Variants in MDM1 observed in about 807,000 individuals in gnomAD.
MDM1 encodes the protein stabilizer of axonemal microtubules 6.
A neutral mutation model predicts 89.1 loss-of-function variants in MDM1; 61 were observed. The observed-to-expected ratio is 0.68, with a 90% CI of 0.56 to 0.85. The LOEUF (loss-of-function observed/expected upper bound fraction) is 0.85. Ranked by LOEUF, MDM1 falls within the 40% of genes least tolerant of loss-of-function variation. The probability of loss-of-function intolerance (pLI) is 0.00; values close to 1 mark genes in which losing one functional copy is unlikely to be tolerated. For synonymous variants in MDM1, 290 were observed against 294.1 expected, an observed-to-expected ratio of 0.99 and a Z score of 0.14; for missense variants, 820 against 846.5, an observed-to-expected ratio of 0.97 and a Z score of 0.39.
chr12:68,320,176 A>C (rs995330386), intron 7 of MDM1, among the ~76,000 whole-genome samples: 2 of 152,088 alleles, frequency 1.3e-5, no homozygotes. Context: ...AGTCAGGGAG[A>C]TCTTTGCCAA....
At chr12:68,298,582 C>T (rs1234947833) in intron 13 of MDM1, among the ~76,000 whole-genome samples, 2 of 152,186 alleles carry the variant, frequency 1.3e-5, no homozygotes, top group Admixed American at 6.5e-5. Context: ...TGCTTCCCCA[C>T]AGGAGGAGCA....
At chr12:68,318,424 T>C (rs528482655) in intron 7 of MDM1, among the ~76,000 whole-genome samples, 1 of 152,338 alleles carries the variant, frequency 6.6e-6, no homozygotes, top group Non-Finnish European at 1.5e-5. Flanking sequence ...GTATACTTCA[T>C]AAAAATTCTG....
Position 68,295,236 on chromosome 12 carries a change from A to T in MDM1, c.*18T>A. On this transcript the variant is annotated 3_prime_UTR_variant, in exon 15 of 15. Transcript: ENST00000682720. ...AATTATGCCAATGTTTCCTTAGATA[A>T]AGGCAACTCAGCTAGGTTTATGTTT... The T allele has an allele frequency of 6.5e-7, 1 of 1,541,328 alleles. No individual in the cohort carries two copies. Among genetic ancestry groups the T allele is most frequent in the Non-Finnish European group, 8.9e-7 (1 of 1,127,224 alleles).
At position 68,326,280 on chromosome 12, in the gene MDM1, T is replaced by C. The variant is rs1875963217; in HGVS notation, c.498+377A>G. Reference sequence around the variant, plus strand: ...TTTCTGTTTGTCTTCTTGTACACGATAAGAAACTGAAAAGGGGCTAGGTAG... The same window carrying C: ...TTTCTGTTTGTCTTCTTGTACACGACAAGAAACTGAAAAGGGGCTAGGTAG... On this transcript the variant is annotated intron_variant, in intron 3 of 14. Transcript: ENST00000682720. 7 of 1,247,902 alleles carry C rather than the reference T, an allele frequency of 5.6e-6. No individual in the cohort carries two copies. In the East Asian group the frequency reaches 1.6e-4, roughly 29 times the overall value. 77.3% of individuals were successfully genotyped at this position (1,247,902 alleles called of 1,614,324 possible).
Position 68,314,940 on chromosome 12 carries a change from A to G in MDM1, c.1529+8T>C. ...GCTTCTCTATACTGAGTAATTTAAA[A>G]CTCTCACCCTTCTTTCATCTTATCT... On this transcript the variant is annotated splice_region_variant and intron_variant, in intron 10 of 14. Transcript: ENST00000682720. 3.0e-5 allele frequency: 45 copies of G among 1,523,896 alleles called. No homozygotes were observed. The highest frequency in any genetic ancestry group is 3.7e-5 in the Non-Finnish European group (41 of 1,098,722). The allele number at this position is 1,523,896 out of a possible 1,614,324, so 94.4% of individuals were successfully genotyped here. A position where few individuals can be genotyped will look rare whatever the true frequency, so the allele number is the denominator to read the frequency against.
chr12:68,319,603 A>G (rs1874955776), intron 7 of MDM1, among the ~76,000 whole-genome samples: 1 of 152,184 alleles, frequency 6.6e-6, no homozygotes, highest in Non-Finnish European at 1.5e-5. Flanking sequence ...GCTCATATTA[A>G]ATGTCTATAA....
chr12:68,323,041 T>A, intron 5 of MDM1, 32 bp downstream of exon 5: 1 of 1,569,250 alleles, frequency 6.4e-7, no homozygotes, highest in Non-Finnish European at 8.6e-7. Flanking sequence ...TAACGGGGAT[T>A]TTGTTTTGTA....
At chr12:68,303,149 T>C (rs1872446888) in intron 12 of MDM1, among the ~76,000 whole-genome samples, 1 of 152,170 alleles carries the variant, frequency 6.6e-6, no homozygotes, top group South Asian at 2.1e-4. Context: ...TGCATAAGTA[T>C]TTCTTTAAAA....
At chr12:68,296,717 T>C (rs1395034764) in intron 14 of MDM1, among the ~76,000 whole-genome samples, 3 of 152,212 alleles carry the variant, frequency 2.0e-5, no homozygotes, top group Non-Finnish European at 2.9e-5. Context: ...ATTGTATGTT[T>C]GCCCTAGAAC....
Position 68,332,328 on chromosome 12 carries a change from C to T in MDM1, c.-83G>A. The T allele has an allele frequency of 6.9e-7, 1 of 1,451,452 alleles. No homozygotes were observed. The highest frequency in any genetic ancestry group is 1.8e-4 in the Middle Eastern group (1 of 5,614). 89.9% of individuals were successfully genotyped at this position (1,451,452 alleles called of 1,614,324 possible). On this transcript the variant is annotated 5_prime_UTR_variant, in exon 1 of 15. Coordinates refer to ENST00000682720, the MANE Select transcript of MDM1 (RefSeq NM_001354969.2). The stretch of plus-strand genomic sequence containing the variant: ...GGGGGCGGGGCGATAACAGTGTTCC[C>T]TAGCAAAGCCTCGGCCCGGCGTCCC...
chr12:68,326,921 G>C lies in MDM1; in HGVS notation c.234C>G (p.Ser78Arg). Residue 78 changes from serine to arginine, a missense_variant, in exon 3 of 15, where the codon AGC (serine) becomes AGG (arginine). Physicochemically the swap from Ser to Arg is moderately radical, Grantham distance 110. Coordinates refer to ENST00000682720, the MANE Select transcript of MDM1 (RefSeq NM_001354969.2). Reference sequence around the variant, plus strand: ...CTGGTTCTGGTGATGCAACCACATTGCTCTCTGAGATAGCTCCATTCCACT... The same window carrying C: ...CTGGTTCTGGTGATGCAACCACATTCCTCTCTGAGATAGCTCCATTCCACT... ...SLEWNGAISE[S>R]NVVASPEPEA... The C allele has an allele frequency of 6.2e-7, 1 of 1,614,060 alleles. No individual in the cohort carries two copies. Among genetic ancestry groups the C allele is most frequent in the Non-Finnish European group, 8.5e-7 (1 of 1,179,970 alleles).
At chr12:68,330,285 T>C (rs960503817) in intron 2 of MDM1, among the ~76,000 whole-genome samples, 1 of 151,202 alleles carries the variant, frequency 6.6e-6, no homozygotes, top group African/African-American at 2.5e-5. Context: ...AGGCTGCTAT[T>C]TCTCTCGGCC....
At chr12:68,297,906 A>G in intron 13 of MDM1, among the ~76,000 whole-genome samples, 1 of 152,210 alleles carries the variant, frequency 6.6e-6, no homozygotes, top group South Asian at 2.1e-4. Flanking sequence ...AACAGACGGC[A>G]TGTGGAGAGT....
At chr12:68,300,975 G>T (rs1319631424) in intron 13 of MDM1, among the ~76,000 whole-genome samples, 1 of 152,030 alleles carries the variant, frequency 6.6e-6, no homozygotes, top group Non-Finnish European at 1.5e-5. Context: ...GACCACAGGG[G>T]AATAAAACTA....
intron 8 of MDM1, 139 bp from the exon 9 acceptor site, chr12:68,316,392 T>A: frequency 2.0e-6 from 2 of 1,004,680 alleles, no homozygotes; most frequent in Non-Finnish European, 1.4e-6. Flanking sequence ...CATACAGTCA[T>A]CAGACTGTGC....
At position 68,302,651 on chromosome 12, in the gene MDM1, G is replaced by GCC. The variant is rs1055667859; in HGVS notation, c.1969_1970dup (p.Ser658AlafsTer17). The GCC allele has an allele frequency of 1.9e-6, 3 of 1,613,830 alleles. No homozygotes were observed. The highest frequency in any genetic ancestry group is 2.5e-6 in the Non-Finnish European group (3 of 1,179,816). On this transcript the variant is annotated frameshift_variant, in exon 13 of 15. Transcript: ENST00000682720. LOFTEE classifies it high-confidence loss of function. ...GCTGAAACTCTGGATCTCTAAGAGAGCCCTGAATTCGTCGAGAGGGATGCC... is the reference window on the plus strand; with the variant it reads ...GCTGAAACTCTGGATCTCTAAGAGAGCCCCCTGAATTCGTCGAGAGGGATGCC...
chr12:68,302,584 TTTTAA>T (rs1409263771), intron 13 of MDM1, 31 bp downstream of exon 13: 1 of 1,568,476 alleles, frequency 6.4e-7, no homozygotes, highest in Admixed American at 1.8e-5. Flanking sequence ...TAACACTTTA[TTTTAA>T]AAGACAAAAA....
chr12:68,305,060 T>C (rs1374638941), intron 12 of MDM1, among the ~76,000 whole-genome samples: 2 of 152,204 alleles, frequency 1.3e-5, no homozygotes, highest in Middle Eastern at 3.2e-3. Context: ...TTGCCAGATT[T>C]TGGTATCAGG....
rs199891311 is a variant in MDM1, at chr12:68,321,635, T to C, written c.802-7A>G. ...GATCGTCTATTTTATTACTCTGAAA[T>C]GGAAATCATTTAAGCTTTTTATGCT... On this transcript the variant is annotated splice_polypyrimidine_tract_variant and splice_region_variant and intron_variant, in intron 5 of 14. Transcript: ENST00000682720. 1.3e-5 allele frequency: 21 copies of C among 1,585,320 alleles called. No individual in the cohort carries two copies. The Admixed American group carries it at 2.0e-4, about 15-fold the overall frequency.
Sources: gnomAD v4.1 joint callset for allele counts (sites outside exome capture counted in the v4.1 genomes callset) on GRCh38, gnomAD v4.1.1 for gene constraint, MANE v1.5 for transcripts, NCBI Gene and HGNC (gene_info 2026-07-23, HGNC 2026-07-21) for gene names.